ZNG1A: variants seen among roughly 807,000 people sequenced by gnomAD.
The protein encoded by ZNG1A is Zn regulated GTPase metalloprotein activator 1A.
At chr9:161,549 A>T in the ZNG1A span, 1 of 1,284,854 alleles carries the variant, frequency 7.8e-7, no homozygotes, top group Non-Finnish European at 1.0e-6. Flanking sequence ...CACTGAATTT[A>T]AACTTCCAAG....
chr9:174,641 T>G, the ZNG1A span, among the ~76,000 whole-genome samples: 1 of 150,142 alleles, frequency 6.7e-6, no homozygotes, highest in African/African-American at 2.5e-5. Context: ...TTTCGTTTAT[T>G]AAAACCAGAA....
the ZNG1A span, among the ~76,000 whole-genome samples, chr9:169,615 C>T: frequency 6.8e-6 from 1 of 146,468 alleles, no homozygotes; most frequent in East Asian, 2.0e-4. Flanking sequence ...ATGCAGCAAA[C>T]TTCATTATTA....
chr9:171,927 T>C, the ZNG1A span: 1 of 1,118,672 alleles, frequency 8.9e-7, no homozygotes, highest in Non-Finnish European at 1.3e-6. Context: ...CCAAAGAAAA[T>C]GACAACCGAG....
the ZNG1A span, among the ~76,000 whole-genome samples, chr9:178,536 G>A: frequency 1.8e-5 from 2 of 111,720 alleles, 1 homozygote; most frequent in Non-Finnish European, 4.5e-5. Flanking sequence ...AGAGGTCACA[G>A]AGACAATTAG....
At chr9:136,966 CAGG>C in the ZNG1A span, among the ~76,000 whole-genome samples, 1 of 148,108 alleles carries the variant, frequency 6.8e-6, no homozygotes, top group African/African-American at 2.5e-5. Flanking sequence ...CACTTGAGTC[CAGG>C]AGTTCACGAC....
the ZNG1A span, among the ~76,000 whole-genome samples, chr9:140,416 ACGGC>A: frequency 6.6e-6 from 1 of 151,144 alleles, no homozygotes; most frequent in African/African-American, 2.5e-5. Context: ...GACACCTCAC[ACGGC>A]CGGGTACTCC....
At chr9:131,208 TA>T in the ZNG1A span, among the ~76,000 whole-genome samples, 1 of 141,098 alleles carries the variant, frequency 7.1e-6, no homozygotes. Flanking sequence ...GTTTTGAATC[TA>T]AAATTAACTC....
chr9:165,957 T>C, the ZNG1A span: 4 of 140,740 alleles, frequency 2.8e-5, no homozygotes, highest in East Asian at 2.0e-4. Context: ...TGTAGGGAAA[T>C]AGTTTACAAA....
At chr9:163,780 G>A in the ZNG1A span, among the ~76,000 whole-genome samples, 2 of 151,658 alleles carry the variant, frequency 1.3e-5, no homozygotes, top group African/African-American at 4.8e-5. Context: ...AGCCAGGTAC[G>A]ATGGTGCACG....
the ZNG1A span, among the ~76,000 whole-genome samples, chr9:140,449 G>T: frequency 6.6e-6 from 1 of 151,014 alleles, no homozygotes; most frequent in Non-Finnish European, 1.5e-5. Context: ...TGCAGCTGAA[G>T]GTCGTGTCTG....
chr9:131,500 TC>T, the ZNG1A span, among the ~76,000 whole-genome samples: 1 of 148,562 alleles, frequency 6.7e-6, no homozygotes, highest in Non-Finnish European at 1.5e-5. Flanking sequence ...TCACACTCTA[TC>T]CCTCTGTTCT....
At chr9:171,774 G>C in the ZNG1A span, 1 of 362,908 alleles carries the variant, frequency 2.8e-6, no homozygotes, top group Non-Finnish European at 5.2e-6. Flanking sequence ...TGTACTTAGA[G>C]GTAGAACGTC....
the ZNG1A span, chr9:178,857 A>G: frequency 2.6e-6 from 3 of 1,149,868 alleles, 1 homozygote; most frequent in Non-Finnish European, 2.5e-6. Context: ...CTTGGCGCCG[A>G]GGCCAGACTT....
At chr9:148,770 G>C in the ZNG1A span, 1 of 148,654 alleles carries the variant, frequency 6.7e-6, no homozygotes, top group Non-Finnish European at 1.5e-5. Context: ...TATGTCTAAA[G>C]GCTGCTTTAA....
the ZNG1A span, among the ~76,000 whole-genome samples, chr9:138,373 A>C: frequency 7.6e-6 from 1 of 132,094 alleles, no homozygotes; most frequent in East Asian, 2.3e-4. Context: ...AATAATCTCA[A>C]TCAATTTCTT....
chr9:145,146 T>C, the ZNG1A span, among the ~76,000 whole-genome samples: 32 of 150,270 alleles, frequency 2.1e-4, no homozygotes, highest in Non-Finnish European at 3.8e-4. Context: ...TGGCGATTCC[T>C]CAGGGATCTA....
the ZNG1A span, chr9:160,086 G>A: frequency 2.2e-6 from 1 of 454,684 alleles, no homozygotes; most frequent in Admixed American, 2.3e-5. Context: ...TCAGTAGCCT[G>A]GGTGTCAAGT....
chr9:159,082 TGAA>T, the ZNG1A span, among the ~76,000 whole-genome samples: 1 of 150,798 alleles, frequency 6.6e-6, no homozygotes, highest in Non-Finnish European at 1.5e-5. Flanking sequence ...TATAAGTAAA[TGAA>T]GAAAAAATTT....
At chr9:166,558 G>T in the ZNG1A span, 8 of 152,760 alleles carry the variant, frequency 5.2e-5, no homozygotes, top group African/African-American at 1.9e-4. Context: ...ACCCATTCTG[G>T]AAGGATACAT....
Sources: gnomAD v4.1 joint callset for allele counts (sites outside exome capture counted in the v4.1 genomes callset) on GRCh38, gnomAD v4.1.1 for gene constraint, MANE v1.5 for transcripts, NCBI Gene and HGNC (gene_info 2026-07-23, HGNC 2026-07-21) for gene names.